GRM5: variants seen among roughly 807,000 people sequenced by gnomAD.
GRM5 encodes metabotropic glutamate receptor 5.
In GRM5, 19 loss-of-function variants were observed where a neutral mutation model predicts 83.1. That is an observed-to-expected ratio of 0.23 (90% CI 0.16 to 0.34). GRM5 has a LOEUF of 0.34. GRM5 is among the 10% of genes least tolerant of loss of function. The probability of loss-of-function intolerance (pLI) is 1.00; values close to 1 mark genes in which losing one functional copy is unlikely to be tolerated. For synonymous variants in GRM5, 675 were observed against 633.6 expected (o/e 1.07, Z -0.98); for missense variants, 1,160 against 1,588.3 (o/e 0.73, Z 4.58).
intron 2 of GRM5, among the ~76,000 whole-genome samples, chr11:88,972,154 C>A (rs594060): frequency 0.1 from 15,283 of 152,062 alleles, 2,484 homozygotes; most frequent in African/African-American, 0.34. Flanking sequence ...ATGACATCTC[C>A]GACCAGAAAC....
chr11:88,974,260 C>A (rs1398100384), intron 2 of GRM5, among the ~76,000 whole-genome samples: 3 of 152,044 alleles, frequency 2.0e-5, no homozygotes, highest in South Asian at 4.1e-4. Flanking sequence ...GTGAGGGAAG[C>A]TGTGAAGGTG....
At chr11:88,965,127 A>G (rs1938911403) in intron 2 of GRM5, among the ~76,000 whole-genome samples, 1 of 152,214 alleles carries the variant, frequency 6.6e-6, no homozygotes, top group Admixed American at 6.5e-5. Flanking sequence ...ATATAGTTAT[A>G]TTCTATCTAC....
intron 6 of GRM5, among the ~76,000 whole-genome samples, chr11:88,596,706 C>G (rs1937816287): frequency 6.6e-6 from 1 of 151,848 alleles, no homozygotes; most frequent in Non-Finnish European, 1.5e-5. Context: ...TTATATAGTC[C>G]TCTTCTTTTC....
At chr11:88,789,436 A>G (rs1565231589) in intron 3 of GRM5, among the ~76,000 whole-genome samples, 1 of 152,194 alleles carries the variant, frequency 6.6e-6, no homozygotes, top group Non-Finnish European at 1.5e-5. Context: ...GGTAAGGCTT[A>G]TCTGTAAGTT....
chr11:88,834,547 T>C (rs1379664417), intron 3 of GRM5, among the ~76,000 whole-genome samples: 1 of 152,198 alleles, frequency 6.6e-6, no homozygotes, highest in Non-Finnish European at 1.5e-5. Flanking sequence ...AAACTACATC[T>C]ATTTTCCCTG....
At chr11:88,977,362 G>A (rs1334801673) in intron 2 of GRM5, among the ~76,000 whole-genome samples, 3 of 151,816 alleles carry the variant, frequency 2.0e-5, no homozygotes, top group Non-Finnish European at 2.9e-5. Context: ...ACAGGCGCCC[G>A]CCACCACACC....
chr11:88,672,043 G>A (rs530303396), intron 3 of GRM5, among the ~76,000 whole-genome samples: 3 of 152,114 alleles, frequency 2.0e-5, no homozygotes, highest in Admixed American at 6.6e-5. Flanking sequence ...TCTGCTTAAA[G>A]GAGATTCATC....
At chr11:88,512,857 C>G (rs755698466) in intron 9 of GRM5, among the ~76,000 whole-genome samples, 3 of 152,062 alleles carry the variant, frequency 2.0e-5, no homozygotes, top group Non-Finnish European at 4.4e-5. Context: ...CATTTTGAAC[C>G]CTGGTTTAAG....
At chr11:88,759,140 C>G (rs1942457174) in intron 3 of GRM5, among the ~76,000 whole-genome samples, 1 of 152,026 alleles carries the variant, frequency 6.6e-6, no homozygotes, top group African/African-American at 2.4e-5. Context: ...CTGAAGTACA[C>G]AGACCAGTGA....
intron 6 of GRM5, among the ~76,000 whole-genome samples, chr11:88,591,085 A>T (rs1454498174): frequency 6.6e-6 from 1 of 152,158 alleles, no homozygotes; most frequent in Non-Finnish European, 1.5e-5. Flanking sequence ...TCCTTTCCTT[A>T]AGTTAAGAAC....
chr11:88,976,803 A>C (rs2135015224), intron 2 of GRM5, among the ~76,000 whole-genome samples: 1 of 152,244 alleles, frequency 6.6e-6, no homozygotes, highest in Admixed American at 6.5e-5. Context: ...TAAAAATGGA[A>C]GTTCTTTTAT....
chr11:88,784,743 C>A (rs1943034125), intron 3 of GRM5, among the ~76,000 whole-genome samples: 1 of 151,944 alleles, frequency 6.6e-6, no homozygotes, highest in Non-Finnish European at 1.5e-5. Context: ...TCCATAAATG[C>A]AGGATTTCAT....
chr11:88,922,565 C>T (rs1945711619), intron 2 of GRM5, among the ~76,000 whole-genome samples: 1 of 152,018 alleles, frequency 6.6e-6, no homozygotes, highest in African/African-American at 2.4e-5. Flanking sequence ...TTGCCGTATA[C>T]AAAAATCAAA....
At chr11:88,657,268 A>C (rs941151698) in intron 3 of GRM5, among the ~76,000 whole-genome samples, 3 of 152,196 alleles carry the variant, frequency 2.0e-5, no homozygotes, top group Non-Finnish European at 4.4e-5. Context: ...GCATGTTTAT[A>C]GAACATTACT....
intron 3 of GRM5, among the ~76,000 whole-genome samples, chr11:88,798,233 G>T (rs1017939837): frequency 6.6e-6 from 1 of 152,136 alleles, no homozygotes; most frequent in Non-Finnish European, 1.5e-5. Context: ...CATTGGATAT[G>T]ACAATATCGT....
intron 2 of GRM5, among the ~76,000 whole-genome samples, chr11:88,942,606 AAGAATACTTTCAATG>A (rs1260515367): frequency 1.3e-5 from 2 of 152,028 alleles, no homozygotes; most frequent in Non-Finnish European, 2.9e-5. Context: ...CCTCTCACAC[AAGAATACTTTCAATG>A]GTTCTATTGC....
chr11:88,773,672 C>T (rs571224866), intron 3 of GRM5, among the ~76,000 whole-genome samples: 1 of 152,288 alleles, frequency 6.6e-6, no homozygotes, highest in Non-Finnish European at 1.5e-5. Flanking sequence ...CTACATATGG[C>T]TAGCCAGCTT....
At chr11:89,036,788 A>G (rs1412927856) in intron 2 of GRM5, among the ~76,000 whole-genome samples, 2 of 152,008 alleles carry the variant, frequency 1.3e-5, no homozygotes, top group Admixed American at 6.6e-5. Context: ...AACAGATTCC[A>G]AAGATATTTT....
At chr11:89,012,367 C>G (rs1282227038) in intron 2 of GRM5, among the ~76,000 whole-genome samples, 2 of 152,170 alleles carry the variant, frequency 1.3e-5, no homozygotes, top group African/African-American at 4.8e-5. Context: ...ACTCGCACTC[C>G]TTACATCAGA....
Sources: gnomAD v4.1 joint callset for allele counts (sites outside exome capture counted in the v4.1 genomes callset) on GRCh38, gnomAD v4.1.1 for gene constraint, MANE v1.5 for transcripts, NCBI Gene and HGNC (gene_info 2026-07-23, HGNC 2026-07-21) for gene names.